NRG3: variants seen among roughly 807,000 people sequenced by gnomAD.
NRG3 encodes the protein neuregulin 3.
Under a neutral mutation model 66.9 loss-of-function variants are expected in NRG3, and 31 were observed. That is an observed-to-expected ratio of 0.46 (90% CI 0.35 to 0.63). The LOEUF is 0.63. Among genes scored for constraint, NRG3 ranks in the 20% least tolerant of loss-of-function variants. The probability of loss-of-function intolerance (pLI) is 0.00; values close to 1 mark genes in which losing one functional copy is unlikely to be tolerated. For missense variants in NRG3, 910 were observed against 878.9 expected (o/e 1.04, Z -0.45); for synonymous variants, 393 against 359.4 (o/e 1.09, Z -1.06).
At chr10:82,074,654 ACT>A (rs1379047900) in intron 1 of NRG3, among the ~76,000 whole-genome samples, 1 of 151,852 alleles carries the variant, frequency 6.6e-6, no homozygotes, top group African/African-American at 2.4e-5. Context: ...ACATAGCAAG[ACT>A]CTCTCTCTAC....
At chr10:82,916,950 T>C (rs1845894546) in intron 4 of NRG3, among the ~76,000 whole-genome samples, 1 of 152,190 alleles carries the variant, frequency 6.6e-6, no homozygotes, top group Non-Finnish European at 1.5e-5. Flanking sequence ...ATCATAAAAA[T>C]GTCCAACACT....
rs375943743 is a variant in NRG3, at chr10:82,793,773, T to A, written c.1027+55123T>A. Among the ~76,000 whole-genome samples, 17 of 152,290 alleles carry A rather than the reference T, an allele frequency of 1.1e-4. No individual in the cohort carries two copies. In the East Asian group the frequency reaches 1.4e-3, roughly 12 times the overall value. ...GATCAAAAGCATATGGGAAAACTGA[T>A]CAGTGGCTTCTAAAGCTTCTTCCAC... On this transcript the variant is annotated intron_variant, in intron 3 of 8. Transcript: ENST00000372141.
intron 1 of NRG3, among the ~76,000 whole-genome samples, chr10:81,915,389 G>A (rs1170117511): frequency 6.6e-6 from 1 of 152,054 alleles, no homozygotes; most frequent in Non-Finnish European, 1.5e-5. Context: ...GAAAAATACA[G>A]GGTTTTCCTG....
intron 3 of NRG3, among the ~76,000 whole-genome samples, chr10:82,807,694 C>T (rs1305229336): frequency 6.6e-6 from 1 of 152,084 alleles, no homozygotes; most frequent in Non-Finnish European, 1.5e-5. Flanking sequence ...TAATAAGCTC[C>T]CTTGATGAAT....
intron 2 of NRG3, among the ~76,000 whole-genome samples, chr10:82,389,344 T>TGGAA (rs2086206229): frequency 6.6e-6 from 1 of 152,190 alleles, no homozygotes; most frequent in Admixed American, 6.5e-5. Context: ...TGCTCTGCAG[T>TGGAA]GGAAGGTCAT....
intron 3 of NRG3, among the ~76,000 whole-genome samples, chr10:82,796,454 C>T (rs764921149): frequency 3.9e-5 from 6 of 152,084 alleles, no homozygotes; most frequent in Non-Finnish European, 7.3e-5. Context: ...ACCCTGTGGA[C>T]TCTCAAAACT....
At chr10:82,828,651 T>G (rs2062364998) in intron 3 of NRG3, among the ~76,000 whole-genome samples, 1 of 152,190 alleles carries the variant, frequency 6.6e-6, no homozygotes, top group Non-Finnish European at 1.5e-5. Context: ...ATTTTACCAT[T>G]ACACATTTTT....
intron 2 of NRG3, among the ~76,000 whole-genome samples, chr10:82,634,220 G>T (rs951769182): frequency 6.6e-6 from 1 of 152,116 alleles, no homozygotes; most frequent in Non-Finnish European, 1.5e-5. Flanking sequence ...AGGGGAGGGA[G>T]CAGTGCAATG....
intron 2 of NRG3, among the ~76,000 whole-genome samples, chr10:82,399,171 G>T (rs2086912941): frequency 6.6e-6 from 1 of 152,050 alleles, no homozygotes. Flanking sequence ...CATTGAAAAA[G>T]TACATTCACC....
intron 2 of NRG3, among the ~76,000 whole-genome samples, chr10:82,458,038 G>A (rs1171189655): frequency 2.6e-5 from 4 of 152,200 alleles, no homozygotes; most frequent in Non-Finnish European, 4.4e-5. Context: ...TGGGTGGGGT[G>A]TGCTGGAAGA....
intron 1 of NRG3, among the ~76,000 whole-genome samples, chr10:81,985,361 C>T (rs558192854): frequency 6.6e-5 from 10 of 152,350 alleles, no homozygotes; most frequent in South Asian, 6.2e-4. Context: ...CAAGCCATGA[C>T]GGCCAAAGTG....
chr10:82,110,393 G>T (rs2067315877), intron 1 of NRG3, among the ~76,000 whole-genome samples: 1 of 152,082 alleles, frequency 6.6e-6, no homozygotes, highest in African/African-American at 2.4e-5. Flanking sequence ...CAGGATTTGA[G>T]CTTTTATGTT....
intron 1 of NRG3, among the ~76,000 whole-genome samples, chr10:82,037,611 G>GC (rs2062845099): frequency 6.6e-6 from 1 of 152,082 alleles, no homozygotes; most frequent in South Asian, 2.1e-4. Context: ...AGGTCTAACA[G>GC]CATTGGCAGG....
chr10:81,936,824 T>G (rs145857659), intron 1 of NRG3, among the ~76,000 whole-genome samples: 77 of 152,176 alleles, frequency 5.1e-4, no homozygotes, highest in Non-Finnish European at 3.2e-4. Flanking sequence ...GGAAGCCATG[T>G]GTAAATTGTG....
intron 2 of NRG3, among the ~76,000 whole-genome samples, chr10:82,718,632 A>T (rs1446905454): frequency 2.0e-5 from 3 of 152,206 alleles, no homozygotes; most frequent in Admixed American, 6.5e-5. Flanking sequence ...TAACAAAACA[A>T]TGCTGACTTA....
At chr10:82,945,179 T>C (rs1018401561) in intron 4 of NRG3, among the ~76,000 whole-genome samples, 11 of 152,210 alleles carry the variant, frequency 7.2e-5, no homozygotes, top group African/African-American at 2.7e-4. Flanking sequence ...TAGTCTAGAA[T>C]ATAAAACCAG....
intron 1 of NRG3, among the ~76,000 whole-genome samples, chr10:82,296,772 G>A (rs2080087429): frequency 6.6e-6 from 1 of 151,326 alleles, no homozygotes; most frequent in African/African-American, 2.4e-5. Context: ...CTATATGAGT[G>A]TATGTATTTT....
chr10:82,104,184 C>A (rs915208242), intron 1 of NRG3, among the ~76,000 whole-genome samples: 9 of 151,952 alleles, frequency 5.9e-5, no homozygotes, highest in African/African-American at 2.2e-4. Flanking sequence ...GAGATTTTAG[C>A]CATAATCAGT....
chr10:82,907,429 C>T (rs1844853795), intron 4 of NRG3, among the ~76,000 whole-genome samples: 1 of 152,152 alleles, frequency 6.6e-6, no homozygotes, highest in African/African-American at 2.4e-5. Context: ...GTAGTCTCCT[C>T]CTTTCTCAAG....
Sources: gnomAD v4.1 joint callset for allele counts (sites outside exome capture counted in the v4.1 genomes callset) on GRCh38, gnomAD v4.1.1 for gene constraint, MANE v1.5 for transcripts, NCBI Gene and HGNC (gene_info 2026-07-23, HGNC 2026-07-21) for gene names.